Variants in ANKRD17 observed in about 807,000 individuals in gnomAD.
ANKRD17 encodes the protein ankyrin repeat domain-containing protein 17.
A neutral mutation model predicts 229.7 loss-of-function variants in ANKRD17; 19 were observed. The ratio of observed to expected loss-of-function variants is 0.08; its 90% CI spans 0.06 to 0.12. The LOEUF (loss-of-function observed/expected upper bound fraction) is 0.12. Ranked by LOEUF, ANKRD17 falls within the 10% of genes least tolerant of loss-of-function variation. The pLI, the probability that ANKRD17 is intolerant of heterozygous loss-of-function variation, is 1.00. For missense variants in ANKRD17, 2,176 were observed against 3,176.8 expected, an observed-to-expected ratio of 0.68 and a Z score of 7.57; for synonymous variants, 1,112 against 1,146.1, an observed-to-expected ratio of 0.97 and a Z score of 0.60.
chr4:73,246,864 T>C (rs1398057628), intron 1 of ANKRD17, among the ~76,000 whole-genome samples: 1 of 152,094 alleles, frequency 6.6e-6, no homozygotes, highest in African/African-American at 2.4e-5. Flanking sequence ...TTAAATACTA[T>C]ATCCAAAAAG....
chr4:73,193,372 T>A (rs1253803868), intron 1 of ANKRD17, among the ~76,000 whole-genome samples: 2 of 152,224 alleles, frequency 1.3e-5, no homozygotes, highest in Non-Finnish European at 2.9e-5. Flanking sequence ...CTTAAATACG[T>A]ACATAAGAGG....
At chr4:73,191,995 A>C (rs1378313309) in intron 1 of ANKRD17, among the ~76,000 whole-genome samples, 1 of 152,110 alleles carries the variant, frequency 6.6e-6, no homozygotes, top group Non-Finnish European at 1.5e-5. Flanking sequence ...TGGTTAAATA[A>C]ATTATATATG....
intron 27 of ANKRD17, among the ~76,000 whole-genome samples, chr4:73,095,917 T>C (rs1451683631): frequency 1.3e-5 from 2 of 152,112 alleles, no homozygotes; most frequent in East Asian, 3.9e-4. Flanking sequence ...CTTGAACTCA[T>C]AGTCTCAAGT....
intron 1 of ANKRD17, among the ~76,000 whole-genome samples, chr4:73,237,681 A>G (rs1208337998): frequency 6.6e-6 from 1 of 152,188 alleles, no homozygotes; most frequent in African/African-American, 2.4e-5. Context: ...CTAGAACCCT[A>G]GTATTATCTG....
intron 33 of ANKRD17, among the ~76,000 whole-genome samples, chr4:73,076,625 T>C (rs1721031027): frequency 6.6e-6 from 1 of 152,182 alleles, no homozygotes; most frequent in Non-Finnish European, 1.5e-5. Context: ...CTTTAATAAA[T>C]AACCTTTAGA....
chr4:73,139,841 G>A lies in ANKRD17; in HGVS notation c.2775C>T (p.Asp925=), dbSNP rs1293985895. The A allele has an allele frequency of 1.2e-6, 2 of 1,614,244 alleles. No homozygotes were observed. Among genetic ancestry groups the A allele is most frequent in the Non-Finnish European group, 1.7e-6 (2 of 1,180,038 alleles). ...GATCCACTTGCTGTAACCGTGCATA[G>A]TCTCCCTCAGAAAGCTGCTCTCCAA... is the stretch of plus-strand genomic sequence containing the variant. ...VGVGEQLSEG[D]YARLQQVDPV... is the part of the protein sequence containing the mutation. The change falls in exon 15 of 34, where the codon GAC becomes GAT. Residue 925 remains aspartate, a synonymous_variant. Coordinates refer to ENST00000358602, the MANE Select transcript of ANKRD17 (RefSeq NM_032217.5).
intron 1 of ANKRD17, among the ~76,000 whole-genome samples, chr4:73,244,873 T>C (rs551713988): frequency 9.2e-5 from 14 of 152,254 alleles, no homozygotes; most frequent in African/African-American, 2.9e-4. Context: ...CCTGCAATAA[T>C]TGGAAGGGCA....
At chr4:73,115,706 T>C in intron 23 of ANKRD17, 115 bp downstream of exon 23, 1 of 716,720 alleles carries the variant, frequency 1.4e-6, no homozygotes, top group Non-Finnish European at 2.3e-6. Flanking sequence ...TCCCAAATAC[T>C]AGATAAATGA....
At chr4:73,175,852 C>T (rs1477958416) in intron 2 of ANKRD17, among the ~76,000 whole-genome samples, 1 of 152,020 alleles carries the variant, frequency 6.6e-6, no homozygotes, top group Non-Finnish European at 1.5e-5. Flanking sequence ...TATGAAACTA[C>T]TAAAAGGAAA....
chr4:73,258,116 A>C (rs1745639319), intron 1 of ANKRD17, among the ~76,000 whole-genome samples, 160 bp downstream of exon 1: 3 of 146,838 alleles, frequency 2.0e-5, no homozygotes, highest in South Asian at 4.4e-4. Context: ...ACATTCCCAC[A>C]CCTCACGATT....
intron 1 of ANKRD17, among the ~76,000 whole-genome samples, chr4:73,246,816 T>C (rs1251606884): frequency 6.6e-6 from 1 of 152,096 alleles, no homozygotes; most frequent in African/African-American, 2.4e-5. Flanking sequence ...ATCAGTCAAC[T>C]GCTATAAAAA....
At position 73,155,638 on chromosome 4, in the gene ANKRD17, A is replaced by C. The variant is rs763007443; in HGVS notation, c.993T>G (p.Ser331=). The stretch of plus-strand genomic sequence containing the variant: ...AAAAGAAATAGGCATGACCTGTTGA[A>C]GACTGTGCATTAACATCTGCTTTAT... The part of the protein sequence containing the change: ...LAHKADVNAQ[S]STGNTALTYA... The change falls in exon 5 of 34, where the codon TCT becomes TCG. Residue 331 remains serine (S), a synonymous_variant. Transcript: ENST00000358602. 1.9e-6 allele frequency: 3 copies of C among 1,614,144 alleles called. No individual in the cohort carries two copies. Among genetic ancestry groups the C allele is most frequent in the Non-Finnish European group, 2.5e-6 (3 of 1,180,014 alleles).
intron 1 of ANKRD17, among the ~76,000 whole-genome samples, chr4:73,252,934 A>G (rs918938304): frequency 6.6e-6 from 1 of 152,170 alleles, no homozygotes; most frequent in African/African-American, 2.4e-5. Context: ...CTTGTCTTCA[A>G]TGGCCGTCCA....
chr4:73,113,748 A>T (rs1032525951), intron 24 of ANKRD17, 44 bp downstream of exon 24: 2 of 1,360,974 alleles, frequency 1.5e-6, no homozygotes, highest in Admixed American at 3.5e-5. Context: ...AGAAAACAAG[A>T]TGGAAAAAAG....
intron 31 of ANKRD17, 64 bp from the exon 32 acceptor site, chr4:73,077,597 GT>G (rs1721125396): frequency 1.4e-6 from 2 of 1,395,418 alleles, no homozygotes; most frequent in Non-Finnish European, 1.9e-6. Context: ...CAAATATTTT[GT>G]TTTTCTAATA....
chr4:73,182,139 A>C (rs555823208), intron 1 of ANKRD17, among the ~76,000 whole-genome samples: 1 of 151,528 alleles, frequency 6.6e-6, no homozygotes, highest in South Asian at 2.1e-4. Flanking sequence ...GAAATATATA[A>C]ATAACTTCCA....
At chr4:73,137,875 C>A (rs1729110760) in intron 15 of ANKRD17, among the ~76,000 whole-genome samples, 2 of 152,110 alleles carry the variant, frequency 1.3e-5, no homozygotes, top group African/African-American at 4.8e-5. Context: ...ACTTTACAAA[C>A]TTCTGATAAT....
At chr4:73,148,759 T>C in intron 8 of ANKRD17, 54 bp downstream of exon 8, 2 of 1,493,248 alleles carry the variant, frequency 1.3e-6, no homozygotes, top group South Asian at 2.4e-5. Context: ...TTTATAAAAT[T>C]ATACTCTTAG....
intron 2 of ANKRD17, among the ~76,000 whole-genome samples, chr4:73,167,761 G>C (rs1733423981): frequency 2.6e-5 from 4 of 152,122 alleles, no homozygotes; most frequent in Admixed American, 2.6e-4. Flanking sequence ...CACATGCCCT[G>C]ATTATGTTTC....
Sources: allele counts gnomAD v4.1 joint callset (sites outside exome capture counted in the v4.1 genomes callset), GRCh38; gene constraint gnomAD v4.1.1; transcripts MANE v1.5; gene names NCBI Gene and HGNC (gene_info 2026-07-23, HGNC 2026-07-21).